Variants in CAMK2B observed in about 807,000 individuals in gnomAD.
CAMK2B encodes the protein calcium/calmodulin-dependent protein kinase type II subunit beta.
Under a neutral mutation model 93.7 loss-of-function variants are expected in CAMK2B, and 27 were observed. The ratio of observed to expected loss-of-function variants is 0.29; its 90% CI spans 0.21 to 0.40. The LOEUF (loss-of-function observed/expected upper bound fraction) is 0.40. Ranked by LOEUF, CAMK2B falls within the 10% of genes least tolerant of loss-of-function variation. CAMK2B has a pLI of 1.00. For missense variants in CAMK2B, 568 were observed against 895.8 expected, an observed-to-expected ratio of 0.63 and a Z score of 4.67; for synonymous variants, 374 against 358.8, an observed-to-expected ratio of 1.04 and a Z score of -0.48.
At chr7:44,304,489 TA>T (rs981576823) in intron 1 of CAMK2B, among the ~76,000 whole-genome samples, 4 of 152,120 alleles carry the variant, frequency 2.6e-5, no homozygotes, top group African/African-American at 9.7e-5. Context: ...CACTGCTGAA[TA>T]AAAGAAGCCA....
intron 2 of CAMK2B, among the ~76,000 whole-genome samples, chr7:44,283,675 C>T (rs867330601): frequency 8.5e-5 from 13 of 152,342 alleles, no homozygotes; most frequent in South Asian, 4.1e-4. Context: ...GCCCGGTCAC[C>T]TGAAACTTTG....
chr7:44,269,345 G>A (rs994597868), intron 2 of CAMK2B, among the ~76,000 whole-genome samples: 16 of 152,216 alleles, frequency 1.1e-4, no homozygotes, highest in Non-Finnish European at 4.4e-5. Flanking sequence ...CCCCGCGGGG[G>A]AAGGAGGGTC....
Position 44,240,695 on chromosome 7 carries a change from A to C in CAMK2B, c.946+12T>G. ...GGGGCAGCGCCTGTCTCCCTGGAGA[A>C]GAAAGGCTCACCTGAGAAATTCCGT... On this transcript the variant is annotated intron_variant, in intron 12 of 23. Coordinates refer to ENST00000395749, the MANE Select transcript of CAMK2B (RefSeq NM_001220.5). 1 of 1,613,824 alleles carries C rather than the reference A, an allele frequency of 6.2e-7. No homozygotes were observed. The highest frequency in any genetic ancestry group is 8.5e-7 in the Non-Finnish European group (1 of 1,179,918).
intron 2 of CAMK2B, among the ~76,000 whole-genome samples, chr7:44,264,529 C>T (rs114327212): frequency 2.6e-3 from 391 of 152,318 alleles, no homozygotes; most frequent in African/African-American, 8.9e-3. Flanking sequence ...CAAGCCCAGC[C>T]GCCTGGCATC....
intron 1 of CAMK2B, among the ~76,000 whole-genome samples, chr7:44,321,222 T>C (rs1244091281): frequency 6.6e-6 from 1 of 152,230 alleles, no homozygotes; most frequent in Non-Finnish European, 1.5e-5. Flanking sequence ...AGTTTATCTA[T>C]TAACTACCTA....
chr7:44,287,088 G>C (rs1193479400), intron 1 of CAMK2B, among the ~76,000 whole-genome samples: 1 of 152,010 alleles, frequency 6.6e-6, no homozygotes, highest in Non-Finnish European at 1.5e-5. Flanking sequence ...CGACTTGGAT[G>C]CCCCCAGAGG....
At chr7:44,236,237 T>C (rs142243099) in intron 13 of CAMK2B, among the ~76,000 whole-genome samples, 15 of 152,328 alleles carry the variant, frequency 9.8e-5, no homozygotes, top group Middle Eastern at 6.8e-3. Context: ...TGCTGCCTCC[T>C]CCATGGCTCT....
intron 12 of CAMK2B, 62 bp from the exon 13 acceptor site, chr7:44,239,725 G>T: frequency 8.7e-7 from 1 of 1,148,232 alleles, no homozygotes. Context: ...ACGAGGGGTG[G>T]GCGAGGTAAG....
chr7:44,278,064 G>A (rs2097065428), intron 2 of CAMK2B, among the ~76,000 whole-genome samples: 1 of 152,228 alleles, frequency 6.6e-6, no homozygotes, highest in Admixed American at 6.5e-5. Flanking sequence ...TGCCCTCAAG[G>A]AGCACATGGT....
intron 2 of CAMK2B, among the ~76,000 whole-genome samples, chr7:44,283,721 C>A (rs1289967034): frequency 1.3e-5 from 2 of 152,268 alleles, no homozygotes; most frequent in Admixed American, 6.5e-5. Flanking sequence ...GCTCTCAGGG[C>A]AGATGACACC....
intron 1 of CAMK2B, among the ~76,000 whole-genome samples, chr7:44,306,865 A>AGCAGGAGGAGGAG (rs1791770684): frequency 1.1e-5 from 1 of 87,242 alleles, no homozygotes; most frequent in African/African-American, 4.3e-5. Flanking sequence ...AGGGGAAGGA[A>AGCAGGAGGAGGAG]GGTGTGAGCA....
In CAMK2B at chr7:44,225,630, C is replaced by T; in HGVS notation, c.1597+886G>A. ...CCTTTGAGCCTGCAGCCTGCATCCC[C>T]CTCCTCGAGCCGCTGCTCCTGTGGG... On this transcript the variant is annotated intron_variant, in intron 20 of 23. Coordinates refer to ENST00000395749, the MANE Select transcript of CAMK2B (RefSeq NM_001220.5). This position sits in a 1 kb window ranked among gnomAD's most constrained non-coding sequence, Gnocchi z 5.0. The T allele has an allele frequency of 2.5e-6, 2 of 809,568 alleles. No homozygotes were observed. The highest frequency in any genetic ancestry group is 2.5e-5 in the Admixed American group (1 of 40,050). 50.1% of individuals were successfully genotyped at this position (809,568 alleles called of 1,614,324 possible). A position where few individuals can be genotyped will look rare whatever the true frequency, so the allele number is the denominator to read the frequency against.
chr7:44,261,165 T>A (rs1013466237), intron 3 of CAMK2B, among the ~76,000 whole-genome samples: 2 of 152,262 alleles, frequency 1.3e-5, no homozygotes, highest in African/African-American at 4.8e-5. Flanking sequence ...AACGTCCTGC[T>A]TCTAGGACTT....
At position 44,286,510 on chromosome 7, in the gene CAMK2B, C is replaced by A. The variant is rs1354632241; in HGVS notation, c.66-2285G>T. The stretch of plus-strand genomic sequence containing the variant: ...CAAGCGCAGCTTCCCACCAGCACAG[C>A]AGGCTCCCAGCTGCTGGCCAGACTC... On this transcript the variant is annotated intron_variant, in intron 1 of 23. Coordinates refer to ENST00000395749, the MANE Select transcript of CAMK2B (RefSeq NM_001220.5). The surrounding 1 kb of genome is among the most constrained non-coding windows in gnomAD (Gnocchi z 4.0). Among the ~76,000 whole-genome samples, 4 of 152,234 alleles carry A rather than the reference C, an allele frequency of 2.6e-5. No homozygotes were observed. The highest frequency in any genetic ancestry group is 2.1e-4 in the South Asian group (1 of 4,834).
In CAMK2B at chr7:44,311,457, CAG is replaced by C. The variant is rs1202279579; in HGVS notation, c.65+13898_65+13899del. 1.3e-5 allele frequency among the ~76,000 whole-genome samples: 2 copies of C among 152,204 alleles called. No homozygotes were observed. The highest frequency in any genetic ancestry group is 2.9e-5 in the Non-Finnish European group (2 of 68,032). On this transcript the variant is annotated intron_variant, in intron 1 of 23. Transcript: ENST00000395749. The surrounding 1 kb of genome is among the most constrained non-coding windows in gnomAD (Gnocchi z 4.2). The stretch of plus-strand genomic sequence containing the variant: ...CCTCTAGTAACAAACAAGAAAAACT[CAG>C]AGAAAAGAATCCCTAAGGATTCCAG...
intron 1 of CAMK2B, among the ~76,000 whole-genome samples, chr7:44,319,448 TA>T (rs1409944698): frequency 6.6e-6 from 1 of 152,182 alleles, no homozygotes; most frequent in Non-Finnish European, 1.5e-5. Context: ...ATACAAAACC[TA>T]AACATTGCAT....
chr7:44,241,791 GA>G lies in CAMK2B; in HGVS notation c.820-9del. Reference sequence around the variant, plus strand: ...TGCTACCGTGGAGCGTTGCTGTGGGGAAATGGGTGGTCATATGGCAGCCGAG... The same window carrying G: ...TGCTACCGTGGAGCGTTGCTGTGGGGAATGGGTGGTCATATGGCAGCCGAG... On this transcript the variant is annotated splice_polypyrimidine_tract_variant and intron_variant, in intron 10 of 23. Transcript: ENST00000395749. The G allele has an allele frequency of 1.2e-6, 2 of 1,610,494 alleles. No individual in the cohort carries two copies. The highest frequency in any genetic ancestry group is 1.7e-6 in the Non-Finnish European group (2 of 1,177,202).
chr7:44,234,199 C>A (rs1373615601), intron 15 of CAMK2B, among the ~76,000 whole-genome samples, 191 bp downstream of exon 15: 1 of 152,218 alleles, frequency 6.6e-6, no homozygotes, highest in Non-Finnish European at 1.5e-5. Flanking sequence ...TGAATTGGAG[C>A]CCCCCACAAC....
In CAMK2B at chr7:44,286,490, G is replaced by A. The variant is rs1446537553; in HGVS notation, c.66-2265C>T. The stretch of plus-strand genomic sequence containing the variant: ...CCCGGAGCAGGGAGGAGACCCAAGC[G>A]CAGCTTCCCACCAGCACAGCAGGCT... On this transcript the variant is annotated intron_variant, in intron 1 of 23. Coordinates refer to ENST00000395749, the MANE Select transcript of CAMK2B (RefSeq NM_001220.5). The surrounding 1 kb of genome is among the most constrained non-coding windows in gnomAD (Gnocchi z 4.0). Among the ~76,000 whole-genome samples the A allele has an allele frequency of 2.0e-5, 3 of 152,194 alleles. No homozygotes were observed. Among genetic ancestry groups the A allele is most frequent in the Non-Finnish European group, 4.4e-5 (3 of 68,040 alleles).
Sources: gnomAD v4.1 joint callset for allele counts (sites outside exome capture counted in the v4.1 genomes callset) on GRCh38, gnomAD v4.1.1 for gene constraint, Gnocchi (gnomAD v3.1) non-coding constraint, MANE v1.5 for transcripts, NCBI Gene and HGNC (gene_info 2026-07-23, HGNC 2026-07-21) for gene names.